ESRRG: variants seen among roughly 807,000 people sequenced by gnomAD.
The protein encoded by ESRRG is estrogen related receptor gamma.
ESRRG carries 13 observed loss-of-function variants against 44.0 expected under a neutral mutation model. That is an observed-to-expected ratio of 0.30 (90% confidence interval 0.19 to 0.47). The LOEUF (loss-of-function observed/expected upper bound fraction) is 0.47, where lower values mean the gene tolerates loss of function less well. Ranked by LOEUF, ESRRG falls within the 20% of genes least tolerant of loss-of-function variation. ESRRG has a pLI of 1.00. For missense variants in ESRRG, 395 were observed against 580.6 expected (o/e 0.68, Z 3.29); for synonymous variants, 215 against 214.6 (o/e 1.00, Z -0.02).
chr1:216,779,283 ACAT>A (rs1362758243), intron 2 of ESRRG, among the ~76,000 whole-genome samples: 220 of 21,944 alleles, frequency 0.01, 3 homozygotes, highest in African/African-American at 0.028. Context: ...ATATTTATAA[ACAT>A]TATATTTATA....
chr1:216,887,888 C>T (rs2057246968), intron 2 of ESRRG, among the ~76,000 whole-genome samples: 2 of 152,100 alleles, frequency 1.3e-5, no homozygotes, highest in African/African-American at 2.4e-5. Flanking sequence ...TTTCAGTCTC[C>T]TGGTGACAAA....
intron 1 of ESRRG, among the ~76,000 whole-genome samples, chr1:217,088,788 C>T (rs1466435238): frequency 6.6e-6 from 1 of 151,958 alleles, no homozygotes; most frequent in Non-Finnish European, 1.5e-5. Flanking sequence ...GAGCTTTGCC[C>T]TCTGTGTCTT....
chr1:216,763,913 G>C (rs900858901), intron 2 of ESRRG, among the ~76,000 whole-genome samples: 1 of 152,120 alleles, frequency 6.6e-6, no homozygotes, highest in African/African-American at 2.4e-5. Context: ...ATTTAGCACC[G>C]AGTAGGTATT....
chr1:216,681,449 C>T (rs536818300), intron 1 of ESRRG, among the ~76,000 whole-genome samples: 6 of 152,096 alleles, frequency 3.9e-5, no homozygotes, highest in Non-Finnish European at 7.4e-5. Flanking sequence ...CCTGCTCCCC[C>T]CACCCGACAA....
At chr1:216,696,590 A>G (rs1379415168) in intron 1 of ESRRG, among the ~76,000 whole-genome samples, 2 of 152,184 alleles carry the variant, frequency 1.3e-5, no homozygotes, top group African/African-American at 4.8e-5. Flanking sequence ...AAAAATACTA[A>G]GATTATTTAT....
chr1:216,928,728 G>C (rs927051180), intron 2 of ESRRG, among the ~76,000 whole-genome samples: 1 of 152,120 alleles, frequency 6.6e-6, no homozygotes, highest in African/African-American at 2.4e-5. Flanking sequence ...CAAACAAATG[G>C]AAAAACAAAA....
At chr1:217,092,332 T>C (rs905292), upstream of ESRRG, among the ~76,000 whole-genome samples, 65,541 of 152,048 alleles carry the variant, frequency 0.43, 15,595 homozygotes, top group East Asian at 0.57. Flanking sequence ...AGACGGAAGA[T>C]ATAGAAGGCA....
At chr1:217,048,858 C>G (rs1238656599) in intron 1 of ESRRG, among the ~76,000 whole-genome samples, 1 of 152,176 alleles carries the variant, frequency 6.6e-6, no homozygotes, top group Non-Finnish European at 1.5e-5. Flanking sequence ...TCTATCTGCT[C>G]TCAACTTGTA....
chr1:216,545,037 T>C (rs1327800471), intron 5 of ESRRG, among the ~76,000 whole-genome samples: 1 of 151,882 alleles, frequency 6.6e-6, no homozygotes, highest in Non-Finnish European at 1.5e-5. Context: ...ATATAATGAT[T>C]TTTTAAAATG....
intron 1 of ESRRG, among the ~76,000 whole-genome samples, chr1:217,057,898 A>T (rs138789747): frequency 6.6e-6 from 1 of 152,180 alleles, no homozygotes; most frequent in African/African-American, 2.4e-5. Context: ...TCTTCTTCCA[A>T]CGTGGCCCAG....
At chr1:216,738,725 T>A (rs1040155991) in intron 2 of ESRRG, among the ~76,000 whole-genome samples, 3 of 152,190 alleles carry the variant, frequency 2.0e-5, no homozygotes, top group African/African-American at 7.2e-5. Context: ...CGTGCACTTA[T>A]AAACAAAAAA....
chr1:216,537,206 A>G (rs1425405827), intron 5 of ESRRG, among the ~76,000 whole-genome samples: 1 of 152,032 alleles, frequency 6.6e-6, no homozygotes, highest in African/African-American at 2.4e-5. Context: ...TAGTGCCCTT[A>G]TGAAAGAGAC....
chr1:217,132,922 C>T (rs1408816503), intron 1 of ESRRG, among the ~76,000 whole-genome samples: 1 of 152,198 alleles, frequency 6.6e-6, no homozygotes, highest in Admixed American at 6.5e-5. Context: ...CCTCTCCGTT[C>T]TCTGTCACCA....
intron 1 of ESRRG, among the ~76,000 whole-genome samples, chr1:217,060,829 T>TAGATGATAGATAGAC (rs59594393): frequency 6.7e-6 from 1 of 149,788 alleles, no homozygotes; most frequent in Non-Finnish European, 1.5e-5. Flanking sequence ...GATAGATAGA[T>TAGATGATAGATAGAC]AGAAAAAAGG....
At chr1:217,092,154 A>G (rs753653212), upstream of ESRRG, among the ~76,000 whole-genome samples, 12 of 152,036 alleles carry the variant, frequency 7.9e-5, no homozygotes, top group Non-Finnish European at 1.2e-4. Context: ...TCTAAATCCA[A>G]CTCTGCCTAG....
chr1:216,830,598 C>T (rs1354994190), intron 2 of ESRRG, among the ~76,000 whole-genome samples: 2 of 152,222 alleles, frequency 1.3e-5, no homozygotes, highest in East Asian at 1.9e-4. Context: ...TCAGAAACTG[C>T]AGGTTGTAAG....
At chr1:217,032,040 C>T (rs35606948) in intron 1 of ESRRG, among the ~76,000 whole-genome samples, 1 of 152,094 alleles carries the variant, frequency 6.6e-6, no homozygotes, top group Non-Finnish European at 1.5e-5. Context: ...TTTCCCCTTG[C>T]TAAGGTGCTA....
At chr1:216,646,684 G>T (rs989384042) in intron 3 of ESRRG, among the ~76,000 whole-genome samples, 2 of 152,154 alleles carry the variant, frequency 1.3e-5, no homozygotes, top group African/African-American at 2.4e-5. Flanking sequence ...ATAACATGTT[G>T]TTTGCAAATA....
intron 2 of ESRRG, among the ~76,000 whole-genome samples, chr1:216,816,604 T>G (rs4301684): frequency 6.6e-6 from 1 of 152,176 alleles, no homozygotes; most frequent in Non-Finnish European, 1.5e-5. Flanking sequence ...TTGCAAATGG[T>G]GCATGCCTAA....
Sources: allele counts gnomAD v4.1 joint callset (sites outside exome capture counted in the v4.1 genomes callset), GRCh38; gene constraint gnomAD v4.1.1; transcripts MANE v1.5; gene names NCBI Gene and HGNC (gene_info 2026-07-23, HGNC 2026-07-21).